DSCAML1: variants seen among roughly 807,000 people sequenced by gnomAD.
DSCAML1 encodes the protein DS cell adhesion molecule like 1.
Under a neutral mutation model 200.5 loss-of-function variants are expected in DSCAML1, and 38 were observed. That is an observed-to-expected ratio of 0.19 (90% CI 0.15 to 0.25). The LOEUF is 0.25. Among genes scored for constraint, DSCAML1 ranks in the 10% least tolerant of loss-of-function variants. The pLI is 1.00. For missense variants in DSCAML1, 2,223 were observed against 2,858.8 expected (o/e 0.78, Z 5.07); for synonymous variants, 1,215 against 1,165.0 (o/e 1.04, Z -0.87).
In DSCAML1 at chr11:117,521,314, C is replaced by T. The variant is rs891864436; in HGVS notation, c.1029G>A (p.Glu343=). The T allele has an allele frequency of 5.0e-6, 8 of 1,614,190 alleles. No individual in the cohort carries two copies. The South Asian group carries it at 6.6e-5, about 13-fold the overall frequency. The change falls in exon 6 of 33, where the codon GAG becomes GAA. Residue 343 remains glutamate (E), a synonymous_variant. Coordinates refer to ENST00000651296, the MANE Select transcript of DSCAML1 (RefSeq NM_020693.4). ...ILSCALTGSP[E]FTIRWYRNTE... ...TGTTGCGATACCAGCGGATGGTGAA[C>T]TCTGGGGAGCCCGTCAGGGCACAGG...
intron 14 of DSCAML1, among the ~76,000 whole-genome samples, chr11:117,474,502 A>G (rs2048749538): frequency 6.6e-6 from 1 of 151,964 alleles, no homozygotes; most frequent in African/African-American, 2.4e-5. Context: ...CCAGATTAAT[A>G]TCCAGCCTGG....
chr11:117,669,502 G>A (rs1420135608), intron 3 of DSCAML1, among the ~76,000 whole-genome samples: 1 of 152,218 alleles, frequency 6.6e-6, no homozygotes, highest in Admixed American at 6.5e-5. Flanking sequence ...GACCTTCTTA[G>A]AGCCAAGCTC....
At chr11:117,429,036 G>T (rs2047729243) in intron 32 of DSCAML1, among the ~76,000 whole-genome samples, 1 of 152,186 alleles carries the variant, frequency 6.6e-6, no homozygotes, top group African/African-American at 2.4e-5. Context: ...TTATTGTGAG[G>T]AGCGAATGAG....
intron 11 of DSCAML1, among the ~76,000 whole-genome samples, chr11:117,488,540 G>GACACACAC (rs34469901): frequency 4.2e-4 from 63 of 151,076 alleles, no homozygotes; most frequent in African/African-American, 1.2e-3. Flanking sequence ...CACAGACACA[G>GACACACAC]ACACACACAC....
chr11:117,795,264 C>T (rs956858690), intron 1 of DSCAML1, among the ~76,000 whole-genome samples: 1 of 152,286 alleles, frequency 6.6e-6, no homozygotes, highest in East Asian at 1.9e-4. Flanking sequence ...AGTGTGGCAG[C>T]GGCTTCGGCC....
upstream of DSCAML1, chr11:117,800,954 C>T (rs149604905): frequency 1.6e-4 from 24 of 152,134 alleles, no homozygotes; most frequent in African/African-American, 5.1e-4. Flanking sequence ...CTTCATATGC[C>T]CTCTGGAATT....
chr11:117,585,746 C>T (rs1169494086), intron 3 of DSCAML1, among the ~76,000 whole-genome samples: 3 of 152,132 alleles, frequency 2.0e-5, no homozygotes, highest in Admixed American at 2.0e-4. Context: ...GAACTGGTGC[C>T]TCTGTCTGGG....
At chr11:117,809,342 C>T (rs1054684336) in intron 1 of DSCAML1, among the ~76,000 whole-genome samples, 3 of 152,246 alleles carry the variant, frequency 2.0e-5, no homozygotes, top group South Asian at 2.1e-4. Flanking sequence ...GCCCTCCTCC[C>T]CGCTGTGCCT....
intron 3 of DSCAML1, among the ~76,000 whole-genome samples, chr11:117,639,614 C>T (rs939808454): frequency 6.6e-6 from 1 of 152,216 alleles, no homozygotes; most frequent in Non-Finnish European, 1.5e-5. Context: ...CTGAAGAGGT[C>T]CCCCATCCTT....
intron 3 of DSCAML1, among the ~76,000 whole-genome samples, chr11:117,554,331 G>A (rs1407760970): frequency 6.6e-6 from 1 of 152,052 alleles, no homozygotes; most frequent in African/African-American, 2.4e-5. Context: ...TCAAAAAATA[G>A]TAAAAGACAG....
chr11:117,636,262 G>C (rs1193060582), intron 3 of DSCAML1, among the ~76,000 whole-genome samples: 2 of 152,150 alleles, frequency 1.3e-5, no homozygotes, highest in African/African-American at 4.8e-5. Context: ...AGAACATTTG[G>C]GGAATAGGTG....
rs73587461 is a variant in DSCAML1, at chr11:117,780,407, C to T, written c.364+86G>A. On this transcript the variant is annotated intron_variant, in intron 2 of 32. Transcript: ENST00000651296. The surrounding 1 kb of genome is among the most constrained non-coding windows in gnomAD (Gnocchi z 4.8). The stretch of plus-strand genomic sequence containing the variant: ...AACAAAACTGTTCTTGAGTGAACGA[C>T]TTCTTGCAAGCCCCTCCGAATATCC... 883 of 1,252,710 alleles carry T rather than the reference C, an allele frequency of 7.0e-4. 2 individuals are homozygous for T. The African/African-American group carries it at 0.012, about 18-fold the overall frequency. 77.6% of individuals were successfully genotyped at this position (1,252,710 alleles called of 1,614,324 possible).
chr11:117,710,658 A>T (rs948527818), intron 3 of DSCAML1, among the ~76,000 whole-genome samples: 4 of 152,172 alleles, frequency 2.6e-5, no homozygotes, highest in African/African-American at 7.2e-5. Flanking sequence ...TACAGTGCCT[A>T]CCTGTGAGGT....
chr11:117,802,252 G>T (rs942365349), upstream of DSCAML1, among the ~76,000 whole-genome samples: 1 of 152,124 alleles, frequency 6.6e-6, no homozygotes, highest in Non-Finnish European at 1.5e-5. Context: ...GCAGGGCCTG[G>T]TCAGGCACCC....
chr11:117,562,076 G>A (rs2050673745), intron 3 of DSCAML1, among the ~76,000 whole-genome samples: 1 of 152,204 alleles, frequency 6.6e-6, no homozygotes, highest in South Asian at 2.1e-4. Context: ...GTGTTGAGAG[G>A]GAATAGGGTG....
At chr11:117,481,399 C>T in intron 12 of DSCAML1, 129 bp from the exon 13 acceptor site, 2 of 834,946 alleles carry the variant, frequency 2.4e-6, no homozygotes, top group South Asian at 1.5e-5. Flanking sequence ...CCCACAGGGG[C>T]TTTGTCAAGG....
At chr11:117,758,130 G>A (rs889798402) in intron 3 of DSCAML1, among the ~76,000 whole-genome samples, 2 of 151,760 alleles carry the variant, frequency 1.3e-5, no homozygotes, top group Admixed American at 6.6e-5. Flanking sequence ...GTGAAACCCC[G>A]TCTCTACTCA....
intron 11 of DSCAML1, among the ~76,000 whole-genome samples, chr11:117,499,138 A>AT (rs900018668): frequency 2.0e-5 from 3 of 151,698 alleles, no homozygotes; most frequent in Non-Finnish European, 4.4e-5. Flanking sequence ...AAGATGCTTT[A>AT]TTTTTTCCCC....
At position 117,780,359 on chromosome 11, in the gene DSCAML1, A is replaced by G. The variant is rs1591503863; in HGVS notation, c.364+134T>C. ...TGCCTATGGACACACAGCAAGTGGT[A>G]CAACAAAGATTCAAAAGAGAACAAC... On this transcript the variant is annotated intron_variant, in intron 2 of 32. Transcript: ENST00000651296. This position sits in a 1 kb window ranked among gnomAD's most constrained non-coding sequence, Gnocchi z 4.8. The G allele has an allele frequency of 1.5e-6, 1 of 649,892 alleles. No homozygotes were observed. Among genetic ancestry groups the G allele is most frequent in the East Asian group, 3.2e-5 (1 of 31,170 alleles). The allele number at this position is 649,892 out of a possible 1,614,324, so 40.3% of individuals were successfully genotyped here. A position where few individuals can be genotyped will look rare whatever the true frequency, so the allele number is the denominator to read the frequency against.
Sources: allele counts gnomAD v4.1 joint callset (sites outside exome capture counted in the v4.1 genomes callset), GRCh38; gene constraint gnomAD v4.1.1; non-coding constraint Gnocchi (gnomAD v3.1); transcripts MANE v1.5; gene names NCBI Gene and HGNC (gene_info 2026-07-23, HGNC 2026-07-21).